The following KIFAP3 variants were observed in gnomAD, a reference collection of about 807,000 sequenced individuals.
KIFAP3 encodes the protein kinesin-associated protein 3.
KIFAP3 carries 68 observed loss-of-function variants against 106.5 expected under a neutral mutation model. The observed-to-expected ratio is 0.64, with a 90% CI of 0.53 to 0.78. The LOEUF (loss-of-function observed/expected upper bound fraction) is 0.78. KIFAP3 is among the 30% of genes least tolerant of loss of function. The pLI, the probability that KIFAP3 is intolerant of heterozygous loss-of-function variation, is 0.00. For synonymous variants in KIFAP3, 320 were observed against 311.5 expected, an observed-to-expected ratio of 1.03 and a Z score of -0.29; for missense variants, 780 against 941.8, an observed-to-expected ratio of 0.83 and a Z score of 2.25.
intron 8 of KIFAP3, among the ~76,000 whole-genome samples, chr1:170,027,053 T>C (rs1017567836): frequency 6.9e-6 from 1 of 144,168 alleles, no homozygotes; most frequent in South Asian, 2.2e-4. Flanking sequence ...AGAGTTTTGC[T>C]CTTGTTGCCC....
chr1:169,924,676 C>G (rs1663030197), intron 19 of KIFAP3, among the ~76,000 whole-genome samples: 1 of 152,126 alleles, frequency 6.6e-6, no homozygotes, highest in African/African-American at 2.4e-5. Flanking sequence ...TTCTAGGATG[C>G]TAAAACCTGG....
At chr1:170,035,150 T>G (rs1035222949) in intron 6 of KIFAP3, among the ~76,000 whole-genome samples, 1 of 151,990 alleles carries the variant, frequency 6.6e-6, no homozygotes, top group African/African-American at 2.4e-5. Flanking sequence ...GGGTCAGGCT[T>G]TATTCTAAGT....
chr1:169,935,903 T>C (rs1663772921), intron 19 of KIFAP3, among the ~76,000 whole-genome samples: 1 of 152,024 alleles, frequency 6.6e-6, no homozygotes, highest in African/African-American at 2.4e-5. Context: ...GAGTTCTATC[T>C]AATTCATGGA....
intron 2 of KIFAP3, among the ~76,000 whole-genome samples, chr1:170,048,598 G>A (rs1042757066): frequency 4.0e-5 from 6 of 151,738 alleles, no homozygotes; most frequent in East Asian, 2.0e-4. Context: ...TGAGACCAAC[G>A]CAAAAGGTGG....
At chr1:170,058,640 T>C (rs1057216048) in intron 1 of KIFAP3, among the ~76,000 whole-genome samples, 1 of 151,508 alleles carries the variant, frequency 6.6e-6, no homozygotes, top group Non-Finnish European at 1.5e-5. Context: ...TACCAAATCC[T>C]CCATCCCAGC....
At chr1:170,053,389 G>GA (rs1670674767) in intron 2 of KIFAP3, among the ~76,000 whole-genome samples, 1 of 151,412 alleles carries the variant, frequency 6.6e-6, no homozygotes, top group African/African-American at 2.4e-5. Flanking sequence ...TGGATAGGAA[G>GA]AAAAAAATGG....
intron 1 of KIFAP3, among the ~76,000 whole-genome samples, chr1:170,066,243 C>A (rs1474073400): frequency 6.8e-6 from 1 of 146,782 alleles, no homozygotes; most frequent in Non-Finnish European, 1.5e-5. Context: ...TAAACTCACA[C>A]AAAAATTTCA....
chr1:169,978,174 T>G lies in KIFAP3; in HGVS notation c.1808A>C (p.Glu603Ala). 2 of 1,609,052 alleles carry G rather than the reference T, an allele frequency of 1.2e-6. No individual in the cohort carries two copies. Among genetic ancestry groups the G allele is most frequent in the South Asian group, 1.1e-5 (1 of 90,846 alleles). The change falls in exon 16 of 20, where the codon GAA becomes GCA. Residue 603 changes from glutamate to alanine, a missense_variant. Physicochemically the swap from Glu to Ala is moderately radical, Grantham distance 107 (BLOSUM62 -1). Coordinates refer to ENST00000361580, the MANE Select transcript of KIFAP3 (RefSeq NM_014970.4). Reference protein sequence around the residue: ...ALIELLNAQQEDDEFVCQIIY... With the variant: ...ALIELLNAQQADDEFVCQIIY... Reference sequence around the variant, plus strand: ...TATCTGACACACAAATTCATCATCTTCTTGTTGAGCTGTAAATAAACAAAA... The same window carrying G: ...TATCTGACACACAAATTCATCATCTGCTTGTTGAGCTGTAAATAAACAAAA...
chr1:169,960,620 T>C (rs1234109588), intron 18 of KIFAP3, among the ~76,000 whole-genome samples: 1 of 152,154 alleles, frequency 6.6e-6, no homozygotes, highest in Non-Finnish European at 1.5e-5. Flanking sequence ...TTTGGTAGTT[T>C]GAAACTAAAG....
intron 8 of KIFAP3, among the ~76,000 whole-genome samples, chr1:170,030,734 C>A (rs574756143): frequency 1.3e-5 from 2 of 151,596 alleles, no homozygotes; most frequent in Non-Finnish European, 3.0e-5. Flanking sequence ...CTAGAAAATG[C>A]AAACTAAGCT....
Position 170,031,995 on chromosome 1 carries a change from T to A in KIFAP3, c.743-11A>T, listed in dbSNP as rs1376566743. ...CAGGGTCTTCATCAAGTAAACAACT[T>A]GTTAAGGATCATCCATACTCATTGA... On this transcript the variant is annotated splice_polypyrimidine_tract_variant and intron_variant, in intron 7 of 19. Transcript: ENST00000361580. 6.5e-7 allele frequency: 1 copy of A among 1,545,936 alleles called. No homozygotes were observed. The highest frequency in any genetic ancestry group is 1.7e-5 in the Admixed American group (1 of 59,110).
chr1:170,021,441 T>C (rs1245778874), intron 9 of KIFAP3, among the ~76,000 whole-genome samples: 2 of 140,010 alleles, frequency 1.4e-5, no homozygotes, highest in East Asian at 2.0e-4. Flanking sequence ...TAAGTTTTTT[T>C]TTTTTTTTTT....
chr1:170,062,258 CA>C (rs77586019), intron 1 of KIFAP3, among the ~76,000 whole-genome samples: 33 of 134,336 alleles, frequency 2.5e-4, no homozygotes, highest in Non-Finnish European at 2.3e-4. Flanking sequence ...GGTTAAAGGG[CA>C]AAAAAAAAAA....
At chr1:170,000,268 T>C (rs1667593956) in intron 10 of KIFAP3, among the ~76,000 whole-genome samples, 1 of 152,160 alleles carries the variant, frequency 6.6e-6, no homozygotes, top group Non-Finnish European at 1.5e-5. Flanking sequence ...AGATTCTCAT[T>C]CCCTTCTATA....
intron 19 of KIFAP3, among the ~76,000 whole-genome samples, chr1:169,924,522 T>G (rs1663017095): frequency 6.6e-6 from 1 of 152,234 alleles, no homozygotes; most frequent in Admixed American, 6.5e-5. Context: ...GGAGAGTACT[T>G]TGACATAGGT....
chr1:169,964,660 G>A (rs970802592), intron 17 of KIFAP3, among the ~76,000 whole-genome samples: 6 of 152,144 alleles, frequency 3.9e-5, no homozygotes, highest in Non-Finnish European at 8.8e-5. Flanking sequence ...ATTGGGAAAA[G>A]AGGGAGTTGA....
chr1:169,932,717 G>GT (rs5778637), intron 19 of KIFAP3, among the ~76,000 whole-genome samples: 3 of 141,826 alleles, frequency 2.1e-5, no homozygotes, highest in South Asian at 2.2e-4. Context: ...TTAATGTTAA[G>GT]TTTTTTTTTT....
At chr1:169,973,625 C>CAATAATTAGAT (rs1192841954) in intron 16 of KIFAP3, among the ~76,000 whole-genome samples, 3 of 151,408 alleles carry the variant, frequency 2.0e-5, no homozygotes, top group Non-Finnish European at 4.4e-5. Context: ...CTGACTTTAT[C>CAATAATTAGAT]ACAGATAACA....
chr1:170,030,657 ATCTT>A (rs1340249575), intron 8 of KIFAP3, among the ~76,000 whole-genome samples: 2 of 151,900 alleles, frequency 1.3e-5, no homozygotes, highest in African/African-American at 2.4e-5. Flanking sequence ...ATATGGATGA[ATCTT>A]TAATTATGCT....
Sources: allele counts gnomAD v4.1 joint callset (sites outside exome capture counted in the v4.1 genomes callset), GRCh38; gene constraint gnomAD v4.1.1; transcripts MANE v1.5; gene names NCBI Gene and HGNC (gene_info 2026-07-23, HGNC 2026-07-21).